The following LETM2 variants were observed in gnomAD, a reference collection of about 807,000 sequenced individuals.
LETM2 encodes the protein LETM1 domain-containing protein LETM2, mitochondrial.
Under a neutral mutation model 59.6 loss-of-function variants are expected in LETM2, and 58 were observed. That is an observed-to-expected ratio of 0.97 (90% confidence interval 0.79 to 1.21). The LOEUF (loss-of-function observed/expected upper bound fraction) is 1.21. Among genes scored for constraint, LETM2 ranks in the 50% most tolerant of loss-of-function variants. The pLI is 0.00. For synonymous variants in LETM2, 199 were observed against 214.1 expected, an observed-to-expected ratio of 0.93 and a Z score of 0.62; for missense variants, 572 against 575.7, an observed-to-expected ratio of 0.99 and a Z score of 0.07.
chr8:38,407,124 T>A, intron 9 of LETM2, 86 bp downstream of exon 9: 1 of 820,438 alleles, frequency 1.2e-6, no homozygotes, highest in Non-Finnish European at 2.1e-6. Context: ...ATCCCCTTAA[T>A]GAAATTGAAA....
Position 38,404,420 on chromosome 8 carries a change from GTCCCTCCTTCCCT to G in LETM2, c.1134_1146del (p.Pro379CysfsTer9), listed in dbSNP as rs775970727. 6.2e-7 allele frequency: 1 copy of G among 1,613,606 alleles called. No individual in the cohort carries two copies. The highest frequency in any genetic ancestry group is 1.3e-5 in the African/African-American group (1 of 75,010). On this transcript the variant is annotated frameshift_variant, in exon 8 of 11. Coordinates refer to ENST00000379957, the MANE Select transcript of LETM2 (RefSeq NM_001286819.2). LOFTEE classifies it high-confidence loss of function. ...GCAGGACCTCCACCTGAAGGAGAAC[GTCCCTCCTTCCCT>G]TTTGCTCCTGTCCCGCACCTTCTAC... is the stretch of plus-strand genomic sequence containing the variant.
chr8:38,400,301 A>G lies in LETM2; in HGVS notation c.675A>G (p.Val225=). Reference sequence around the variant, plus strand: ...AAAAACAGAAAAAGAAAATGGCTGTAAAGTTGGAACTAGCAAAATTTCTTC... The same window carrying G: ...AAAAACAGAAAAAGAAAATGGCTGTGAAGTTGGAACTAGCAAAATTTCTTC... ...KEEKQKKKMA[V]KLELAKFLQE... The change falls in exon 5 of 11, where the codon GTA becomes GTG. Residue 225 remains valine, a synonymous_variant. Coordinates refer to ENST00000379957, the MANE Select transcript of LETM2 (RefSeq NM_001286819.2). 1.2e-6 allele frequency: 2 copies of G among 1,612,206 alleles called. No individual in the cohort carries two copies. Among genetic ancestry groups the G allele is most frequent in the East Asian group, 2.2e-5 (1 of 44,884 alleles).
intron 4 of LETM2, among the ~76,000 whole-genome samples, chr8:38,398,138 CT>C (rs970962739): frequency 2.0e-4 from 26 of 130,492 alleles, no homozygotes; most frequent in African/African-American, 5.7e-4. Context: ...AGATTTTTGT[CT>C]TAAAAAAAAA....
At chr8:38,390,127 T>A (rs1462378070) in intron 2 of LETM2, among the ~76,000 whole-genome samples, 2 of 151,794 alleles carry the variant, frequency 1.3e-5, no homozygotes, top group East Asian at 3.9e-4. Flanking sequence ...ATGCTGAGCC[T>A]GGGAGGTCGA....
At chr8:38,390,135 C>G (rs1175074032) in intron 2 of LETM2, among the ~76,000 whole-genome samples, 1 of 151,574 alleles carries the variant, frequency 6.6e-6, no homozygotes, top group Non-Finnish European at 1.5e-5. Context: ...CCTGGGAGGT[C>G]GAGGCTGCAG....
At chr8:38,407,255 GAT>G in intron 9 of LETM2, 105 bp from the exon 10 acceptor site, 1 of 937,216 alleles carries the variant, frequency 1.1e-6, no homozygotes, top group East Asian at 2.5e-5. Context: ...CCTGTGCCAG[GAT>G]ATGAGGTAGT....
Position 38,406,992 on chromosome 8 carries a change from C to T in LETM2, c.1265C>T (p.Ser422Phe), listed in dbSNP as rs748892988. The change falls in exon 9 of 11, where the codon TCT becomes TTT. Residue 422 changes from serine to phenylalanine, a missense_variant. Transcript: ENST00000379957. The stretch of plus-strand genomic sequence containing the variant: ...GTGGAATTACCTACTTTCACTGAAT[C>T]TAAAGAGAACATGGTGGATCTTGCA... ...ILVELPTFTESKENMVDLAPQ... is the reference protein window; with the variant it reads ...ILVELPTFTEFKENMVDLAPQ... 19 of 1,612,124 alleles carry T rather than the reference C, an allele frequency of 1.2e-5. No homozygotes were observed. Among genetic ancestry groups the T allele is most frequent in the Non-Finnish European group, 1.6e-5 (19 of 1,178,352 alleles).
At chr8:38,389,301 C>T (rs1368227230) in intron 2 of LETM2, among the ~76,000 whole-genome samples, 1 of 152,140 alleles carries the variant, frequency 6.6e-6, no homozygotes, top group Non-Finnish European at 1.5e-5. Flanking sequence ...ATTGCAACCT[C>T]TGCCTCCTGG....
At chr8:38,393,419 C>A (rs1026496479) in intron 3 of LETM2, 8 of 167,556 alleles carry the variant, frequency 4.8e-5, no homozygotes, top group African/African-American at 1.7e-4. Context: ...CTGAGGCGGG[C>A]GGATCACTTG....
At chr8:38,397,182 T>C (rs932952339) in intron 4 of LETM2, 6 of 442,562 alleles carry the variant, frequency 1.4e-5, no homozygotes, top group Non-Finnish European at 2.7e-5. Flanking sequence ...GTGCAACTTT[T>C]TTTTTTTTTT....
chr8:38,400,970 C>T lies in LETM2; in HGVS notation c.901C>T (p.Leu301=), dbSNP rs758006508. The change falls in exon 6 of 11, where the codon CTG becomes TTG. Residue 301 remains leucine, a synonymous_variant. Coordinates refer to ENST00000379957, the MANE Select transcript of LETM2 (RefSeq NM_001286819.2). ...TCAGCTGGTTGCCCTTTGCAAACTG[C>T]TGGAATTGCAGACATTTGGAACCAA... The part of the protein sequence containing the change: ...RPQLVALCKL[L]ELQTFGTNNL... 1 of 1,614,138 alleles carries T rather than the reference C, an allele frequency of 6.2e-7. No individual in the cohort carries two copies. The highest frequency in any genetic ancestry group is 1.1e-5 in the South Asian group (1 of 91,088).
chr8:38,400,478 T>A (rs1813104028), intron 5 of LETM2, 69 bp downstream of exon 5: 1 of 1,436,890 alleles, frequency 7.0e-7, no homozygotes, highest in Non-Finnish European at 9.4e-7. Context: ...CATGTCATCA[T>A]GGATTTCCCA....
chr8:38,402,406 C>T, intron 6 of LETM2, 119 bp from the exon 7 acceptor site: 2 of 1,126,964 alleles, frequency 1.8e-6, no homozygotes, highest in Non-Finnish European at 2.6e-6. Context: ...GCAGTAGCAG[C>T]CAGTGCAGGG....
At chr8:38,400,443 G>A (rs776991895) in intron 5 of LETM2, 34 bp downstream of exon 5, 21 of 1,526,516 alleles carry the variant, frequency 1.4e-5, no homozygotes, top group Admixed American at 4.6e-5. Context: ...GAACAACTTC[G>A]GGGCTGGGCG....
chr8:38,386,605 T>G (rs1368960535), intron 1 of LETM2, 37 bp downstream of exon 1: 1 of 152,164 alleles, frequency 6.6e-6, no homozygotes, highest in Non-Finnish European at 1.5e-5. Flanking sequence ...GGCCGCGACC[T>G]GGTGGGCCGC....
intron 2 of LETM2, among the ~76,000 whole-genome samples, chr8:38,389,149 C>T (rs969355529): frequency 3.3e-5 from 5 of 152,310 alleles, no homozygotes; most frequent in African/African-American, 1.2e-4. Context: ...AGTAAAATGG[C>T]TGATGAACAG....
rs1813168039 is a variant in LETM2 at position 38,401,014 on chromosome 8, G to A, written c.945G>A (p.Gln315=). The A allele has an allele frequency of 6.2e-7, 1 of 1,613,938 alleles. No individual in the cohort carries two copies. The highest frequency in any genetic ancestry group is 1.3e-5 in the African/African-American group (1 of 74,916). Residue 315 remains glutamine (Q), a synonymous_variant, in exon 6 of 11, where the codon CAG becomes CAA. Coordinates refer to ENST00000379957, the MANE Select transcript of LETM2 (RefSeq NM_001286819.2). ...TFGTNNLLRF[Q]LLMKLKSIKA... ...GAACCAACAACCTGCTCCGCTTTCA[G>A]CTCCTGATGAAACTGAAGTCTATAA...
intron 2 of LETM2, among the ~76,000 whole-genome samples, chr8:38,392,085 A>G (rs1812327183): frequency 6.6e-6 from 1 of 152,208 alleles, no homozygotes; most frequent in Non-Finnish European, 1.5e-5. Flanking sequence ...AGGCGGTATT[A>G]TGTGACTGGT....
intron 3 of LETM2, 49 bp from the exon 4 acceptor site, chr8:38,394,049 T>A (rs755859567): frequency 6.8e-6 from 9 of 1,332,608 alleles, no homozygotes; most frequent in Non-Finnish European, 8.7e-6. Flanking sequence ...ATTTTTGTTT[T>A]TGGCATGCCC....
Sources: gnomAD v4.1 joint callset for allele counts (sites outside exome capture counted in the v4.1 genomes callset) on GRCh38, gnomAD v4.1.1 for gene constraint, MANE v1.5 for transcripts, NCBI Gene and HGNC (gene_info 2026-07-23, HGNC 2026-07-21) for gene names.